The following ASPRV1 variants were observed in gnomAD, a reference collection of about 807,000 sequenced individuals.
The protein encoded by ASPRV1 is aspartic peptidase retroviral like 1.
In ASPRV1, 7 loss-of-function variants were observed where a neutral mutation model predicts 11.0. The ratio of observed to expected loss-of-function variants is 0.64; its 90% confidence interval spans 0.36 to 1.20. The LOEUF (loss-of-function observed/expected upper bound fraction) is 1.20. ASPRV1 is among the 50% of genes most tolerant of loss of function. The pLI, the probability that ASPRV1 is intolerant of heterozygous loss-of-function variation, is 0.02. For synonymous variants in ASPRV1, 136 were observed against 138.4 expected (o/e 0.98, Z 0.12); for missense variants, 299 against 320.0 (o/e 0.93, Z 0.50).
the ASPRV1 span, chr2:69,938,431 G>T: frequency 2.6e-6 from 2 of 772,172 alleles, no homozygotes; most frequent in Non-Finnish European, 2.1e-6. Context: ...TTTCAAGGAG[G>T]TGCTTAGGAT....
the ASPRV1 span, chr2:70,069,456 A>G: frequency 6.6e-6 from 1 of 152,164 alleles, no homozygotes; most frequent in African/African-American, 2.4e-5. Context: ...TGTTTTTGAT[A>G]TTTACAATAG....
chr2:70,030,111 T>G, the ASPRV1 span: 1 of 152,194 alleles, frequency 6.6e-6, no homozygotes, highest in African/African-American at 2.4e-5. Context: ...AGGAAAAGGA[T>G]TACTACAGCA....
the ASPRV1 span, among the ~76,000 whole-genome samples, chr2:70,053,003 G>C: frequency 6.6e-6 from 1 of 152,020 alleles, no homozygotes; most frequent in South Asian, 2.1e-4. Flanking sequence ...AGCCCTTTTT[G>C]GCCCCTACCA....
chr2:69,943,887 G>A, the ASPRV1 span, among the ~76,000 whole-genome samples: 1 of 152,238 alleles, frequency 6.6e-6, no homozygotes, highest in African/African-American at 2.4e-5. Context: ...CTTTCTCCTT[G>A]TTGACCAATG....
At chr2:69,966,388 C>T (rs1678341312), upstream of ASPRV1, among the ~76,000 whole-genome samples, 1 of 152,260 alleles carries the variant, frequency 6.6e-6, no homozygotes, top group African/African-American at 2.4e-5. Context: ...TTTCCTGCCC[C>T]ATCCTTGCCA....
chr2:70,066,854 T>C, the ASPRV1 span, among the ~76,000 whole-genome samples: 2 of 151,886 alleles, frequency 1.3e-5, no homozygotes, highest in African/African-American at 4.8e-5. Flanking sequence ...CCTCCCAAAT[T>C]GCTGGGATTA....
Position 69,960,707 on chromosome 2 carries a change from T to G in ASPRV1, c.730A>C (p.Ile244Leu), listed in dbSNP as rs757767066. Residue 244 changes from isoleucine (I) to leucine (L), a missense_variant, in exon 1 of 1, where the codon ATA becomes CTA. Physicochemically the swap from Ile to Leu is conservative, Grantham distance 5. Coordinates refer to ENST00000320256, the MANE Select transcript of ASPRV1 (RefSeq NM_152792.4). ...TCTTCTGAGGAGGGGTCCTCCTCTATGAGCTCCAGGTCAAACTCATCTTCC... is the reference window on the plus strand; with the variant it reads ...TCTTCTGAGGAGGGGTCCTCCTCTAGGAGCTCCAGGTCAAACTCATCTTCC... ...SLEDEFDLEL[I>L]EEDPSSEEGR... The G allele has an allele frequency of 3.7e-6, 6 of 1,614,128 alleles. No homozygotes were observed. The South Asian group carries it at 6.6e-5, about 18-fold the overall frequency.
At position 69,960,529 on chromosome 2, in the gene ASPRV1, G is replaced by A. The variant is rs1476387809; in HGVS notation, c.*128C>T. 4 of 1,016,872 alleles carry A rather than the reference G, an allele frequency of 3.9e-6. No individual in the cohort carries two copies. Among genetic ancestry groups the A allele is most frequent in the Admixed American group, 2.6e-5 (1 of 37,816 alleles). The allele number at this position is 1,016,872 out of a possible 1,614,324, so 63.0% of individuals were successfully genotyped here. On this transcript the variant is annotated 3_prime_UTR_variant, in exon 1 of 1. Coordinates refer to ENST00000320256, the MANE Select transcript of ASPRV1 (RefSeq NM_152792.4). ...TAAGGCCCCTGCAGAGGGAGGCAAAGGGGAGAGAAGAGCAAGAGTTGATAA... is the reference window on the plus strand; with the variant it reads ...TAAGGCCCCTGCAGAGGGAGGCAAAAGGGAGAGAAGAGCAAGAGTTGATAA...
chr2:69,986,594 C>T, the ASPRV1 span, among the ~76,000 whole-genome samples: 1 of 152,230 alleles, frequency 6.6e-6, no homozygotes, highest in African/African-American at 2.4e-5. Flanking sequence ...GTTCATGCAG[C>T]AGACCACAGG....
chr2:70,067,805 T>C, the ASPRV1 span, among the ~76,000 whole-genome samples: 46 of 152,084 alleles, frequency 3.0e-4, no homozygotes, highest in Non-Finnish European at 5.7e-4. Flanking sequence ...ATAACTGAAA[T>C]GGGGAGACAG....
chr2:70,055,776 A>C, the ASPRV1 span: 4 of 152,132 alleles, frequency 2.6e-5, no homozygotes, highest in African/African-American at 9.7e-5. Flanking sequence ...AGAAAAAAAA[A>C]TTTATAAAGG....
chr2:70,041,268 T>C, the ASPRV1 span, among the ~76,000 whole-genome samples: 2 of 152,354 alleles, frequency 1.3e-5, no homozygotes, highest in African/African-American at 4.8e-5. Context: ...TCAGAAGTCT[T>C]AGAGATTTCT....
At chr2:70,045,305 T>C in the ASPRV1 span, 1 of 152,228 alleles carries the variant, frequency 6.6e-6, no homozygotes, top group Non-Finnish European at 1.5e-5. Flanking sequence ...GCAAGTTACA[T>C]AACTTCTTTG....
At chr2:70,074,133 CAAAA>C in the ASPRV1 span, among the ~76,000 whole-genome samples, 80 of 7,806 alleles carry the variant, frequency 0.01, no homozygotes, top group African/African-American at 0.027. Flanking sequence ...AACTTCATCT[CAAAA>C]AAAAAAAAAA....
chr2:70,000,823 AAAAAG>A, the ASPRV1 span, among the ~76,000 whole-genome samples: 1 of 150,288 alleles, frequency 6.7e-6, no homozygotes, highest in African/African-American at 2.4e-5. Flanking sequence ...AAAAAGAAAG[AAAAAG>A]AAAAGAAAAC....
chr2:70,041,510 A>C, the ASPRV1 span, among the ~76,000 whole-genome samples: 1 of 152,230 alleles, frequency 6.6e-6, no homozygotes, highest in Non-Finnish European at 1.5e-5. Context: ...CAAGATATAG[A>C]AGAGAAATTT....
chr2:69,965,547 A>G (rs1483669659), upstream of ASPRV1, among the ~76,000 whole-genome samples: 1 of 152,216 alleles, frequency 6.6e-6, no homozygotes, highest in Non-Finnish European at 1.5e-5. Context: ...CGGGCAGGAC[A>G]CGTTTGCTTC....
chr2:70,008,552 G>C, the ASPRV1 span, among the ~76,000 whole-genome samples: 73 of 152,092 alleles, frequency 4.8e-4, no homozygotes, highest in Non-Finnish European at 8.2e-4. Context: ...ACAGCCTGTG[G>C]GCCGCATGCA....
downstream of ASPRV1, among the ~76,000 whole-genome samples, chr2:69,959,341 G>A (rs962716830): frequency 6.6e-6 from 1 of 152,150 alleles, no homozygotes; most frequent in Non-Finnish European, 1.5e-5. Flanking sequence ...GTGCTTGGTG[G>A]GGAGGCCTGA....
Sources: gnomAD v4.1 joint callset for allele counts (sites outside exome capture counted in the v4.1 genomes callset) on GRCh38, gnomAD v4.1.1 for gene constraint, MANE v1.5 for transcripts, NCBI Gene and HGNC (gene_info 2026-07-23, HGNC 2026-07-21) for gene names.